COXFA4L3: variants seen among roughly 807,000 people sequenced by gnomAD.
COXFA4L3 encodes MIR147B host.
At chr15:45,430,809 CAACTCCTGATGAAAAGG>C in the COXFA4L3 span, 1 of 1,611,250 alleles carries the variant, frequency 6.2e-7, no homozygotes, top group Non-Finnish European at 8.5e-7. Context: ...GAGCTTTTTC[CAACTCCTGATGAAAAGG>C]AAGGAAGTAA....
At chr15:45,431,149 A>AAT in the COXFA4L3 span, 1 of 1,410,400 alleles carries the variant, frequency 7.1e-7, no homozygotes, top group Non-Finnish European at 9.8e-7. Flanking sequence ...TAGTTTATGA[A>AAT]ATGTATAAGT....
chr15:45,431,057 T>G, the COXFA4L3 span: 2 of 1,614,134 alleles, frequency 1.2e-6, no homozygotes, highest in Non-Finnish European at 1.7e-6. Context: ...CATCTTTCGC[T>G]GTGTATTCTC....
At chr15:45,430,918 A>G in the COXFA4L3 span, 1 of 1,567,564 alleles carries the variant, frequency 6.4e-7, no homozygotes, top group Admixed American at 1.8e-5. Flanking sequence ...ACAAAGTATA[A>G]AATAAATACA....
At chr15:45,432,049 T>C in the COXFA4L3 span, 1 of 1,608,266 alleles carries the variant, frequency 6.2e-7, no homozygotes, top group East Asian at 2.2e-5. Context: ...TTTTAATGTT[T>C]AATTGGCTTT....
the COXFA4L3 span, chr15:45,431,292 AG>A: frequency 7.1e-5 from 30 of 420,554 alleles, no homozygotes; most frequent in Middle Eastern, 1.2e-3. Context: ...GAAAAAAAAA[AG>A]AAAAAATTTA....
chr15:45,432,229 TTAGA>T, the COXFA4L3 span: 1 of 955,436 alleles, frequency 1.0e-6, no homozygotes, highest in Non-Finnish European at 1.6e-6. Flanking sequence ...ATTGTGTAAC[TTAGA>T]TCAATTGTGC....
At chr15:45,430,637 C>A in the COXFA4L3 span, 9 of 650,366 alleles carry the variant, frequency 1.4e-5, no homozygotes, top group Non-Finnish European at 2.4e-5. Context: ...ATCGTCCGTG[C>A]GCACCGCCCG....
the COXFA4L3 span, chr15:45,430,692 C>A: frequency 2.8e-6 from 3 of 1,071,018 alleles, no homozygotes; most frequent in Middle Eastern, 2.2e-4. Context: ...GACGCGCCGG[C>A]CCGCAGTTGG....
At chr15:45,432,418 A>G in the COXFA4L3 span, among the ~76,000 whole-genome samples, 1 of 152,324 alleles carries the variant, frequency 6.6e-6, no homozygotes. Flanking sequence ...TAATGCCAAC[A>G]CTTTGGGAGG....
At chr15:45,431,026 CTG>C in the COXFA4L3 span, 2 of 1,614,164 alleles carry the variant, frequency 1.2e-6, no homozygotes, top group Non-Finnish European at 1.7e-6. Flanking sequence ...GTGTTCATGA[CTG>C]TGGCGGCGGG....
the COXFA4L3 span, chr15:45,431,291 A>G: frequency 2.4e-6 from 1 of 422,730 alleles, no homozygotes; most frequent in Non-Finnish European, 4.0e-6. Context: ...AGAAAAAAAA[A>G]AGAAAAAATT....
chr15:45,433,056 T>G, the COXFA4L3 span: 3 of 1,561,330 alleles, frequency 1.9e-6, no homozygotes, highest in Non-Finnish European at 2.6e-6. Context: ...ACTCTATAAA[T>G]CTAGTGGAAA....
At chr15:45,431,239 C>A in the COXFA4L3 span, 1 of 525,324 alleles carries the variant, frequency 1.9e-6, no homozygotes, top group Non-Finnish European at 3.3e-6. Flanking sequence ...TATCAGAAAA[C>A]TCTTATGATA....
At chr15:45,430,800 A>G in the COXFA4L3 span, 6 of 1,612,010 alleles carry the variant, frequency 3.7e-6, no homozygotes, top group Non-Finnish European at 5.1e-6. Flanking sequence ...AGTCATCATG[A>G]GCTTTTTCCA....
At chr15:45,432,025 T>C in the COXFA4L3 span, 2 of 1,555,492 alleles carry the variant, frequency 1.3e-6, no homozygotes, top group East Asian at 2.2e-5. Context: ...TCAGTGTTGG[T>C]TTAAATTCAC....
At chr15:45,432,289 T>A in the COXFA4L3 span, among the ~76,000 whole-genome samples, 1 of 152,242 alleles carries the variant, frequency 6.6e-6, no homozygotes, top group Non-Finnish European at 1.5e-5. Flanking sequence ...GCCTACTCTA[T>A]GCCAGGAGCA....
chr15:45,432,962 C>G, the COXFA4L3 span: 2 of 1,611,830 alleles, frequency 1.2e-6, no homozygotes, highest in Non-Finnish European at 1.7e-6. Context: ...TAACAATCAA[C>G]CAACAATGGA....
chr15:45,433,111 C>T, the COXFA4L3 span: 4 of 1,253,812 alleles, frequency 3.2e-6, no homozygotes, highest in Non-Finnish European at 4.7e-6. Flanking sequence ...TGCGGAAATG[C>T]TTCTGCTACA....
chr15:45,431,221 G>A, the COXFA4L3 span: 9 of 579,960 alleles, frequency 1.6e-5, no homozygotes, highest in Non-Finnish European at 2.3e-5. Flanking sequence ...GGGTTAAAAA[G>A]CATCTTTTAT....
Sources: allele counts gnomAD v4.1 joint callset (sites outside exome capture counted in the v4.1 genomes callset), GRCh38; gene constraint gnomAD v4.1.1; transcripts MANE v1.5; gene names NCBI Gene and HGNC (gene_info 2026-07-23, HGNC 2026-07-21).